The following PTPRT variants were observed in gnomAD, a reference collection of about 807,000 sequenced individuals.
PTPRT encodes receptor-type tyrosine-protein phosphatase T.
PTPRT carries 56 observed loss-of-function variants against 176.8 expected under a neutral mutation model. The observed-to-expected ratio is 0.32, with a 90% confidence interval of 0.26 to 0.40. The LOEUF (loss-of-function observed/expected upper bound fraction) is 0.40, where lower values mean the gene tolerates loss of function less well. PTPRT is among the 10% of genes least tolerant of loss of function. PTPRT has a pLI of 1.00. For missense variants in PTPRT, 1,540 were observed against 1,908.2 expected (o/e 0.81, Z 3.60); for synonymous variants, 783 against 739.0 (o/e 1.06, Z -0.96).
At chr20:42,326,343 A>C (rs1400882161) in intron 11 of PTPRT, among the ~76,000 whole-genome samples, 1 of 152,196 alleles carries the variant, frequency 6.6e-6, no homozygotes, top group Non-Finnish European at 1.5e-5. Context: ...ATTGTGACCA[A>C]TGCAATAAGA....
chr20:42,685,060 C>T (rs748220000), intron 6 of PTPRT, among the ~76,000 whole-genome samples: 37 of 152,268 alleles, frequency 2.4e-4, no homozygotes, highest in Middle Eastern at 3.4e-3. Flanking sequence ...GCCAAGGCAA[C>T]ATGCCCGGGG....
At chr20:43,144,010 T>A (rs2014094341) in intron 1 of PTPRT, among the ~76,000 whole-genome samples, 1 of 152,158 alleles carries the variant, frequency 6.6e-6, no homozygotes, top group South Asian at 2.1e-4. Flanking sequence ...TGGGTTCTGG[T>A]TCTTCCATCC....
chr20:42,514,247 C>T (rs1236412289), intron 7 of PTPRT, among the ~76,000 whole-genome samples: 4 of 152,154 alleles, frequency 2.6e-5, no homozygotes, highest in Non-Finnish European at 5.9e-5. Flanking sequence ...CTGCATGTAT[C>T]GGCACCCTCC....
intron 24 of PTPRT, 75 bp from the exon 25 acceptor site, chr20:42,104,793 G>A (rs1986276022): frequency 7.0e-7 from 1 of 1,429,440 alleles, no homozygotes; most frequent in Non-Finnish European, 9.7e-7. Flanking sequence ...CACATTTAGT[G>A]TTGTGGCTAT....
chr20:43,094,020 C>T (rs1453605783), intron 1 of PTPRT, among the ~76,000 whole-genome samples: 1 of 152,104 alleles, frequency 6.6e-6, no homozygotes, highest in Non-Finnish European at 1.5e-5. Flanking sequence ...TTCTCTCCCA[C>T]TATCCTGTTC....
At chr20:42,066,594 T>G in the PTPRT span, among the ~76,000 whole-genome samples, 1 of 152,208 alleles carries the variant, frequency 6.6e-6, no homozygotes, top group African/African-American at 2.4e-5. Context: ...GAAAGTTCGA[T>G]CCAGCTCACT....
Position 42,074,902 on chromosome 20 carries a change from G to T in PTPRT, c.*5977C>A, listed in dbSNP as rs74878202. 3 of 398,452 alleles carry T rather than the reference G, an allele frequency of 7.5e-6. No individual in the cohort carries two copies. The highest frequency in any genetic ancestry group is 1.3e-5 in the Non-Finnish European group (3 of 226,046). The allele number at this position is 398,452 out of a possible 1,614,324, so 24.7% of individuals were successfully genotyped here. On this transcript the variant is annotated 3_prime_UTR_variant, in exon 31 of 31. Transcript: ENST00000373187. ...TAAAAAACTAGAAGAGTCTGCTCAT[G>T]TGCACAAATATGGCTTAGATATCTC...
intron 6 of PTPRT, among the ~76,000 whole-genome samples, chr20:42,751,266 G>A (rs1419917636): frequency 1.3e-5 from 2 of 152,242 alleles, no homozygotes; most frequent in African/African-American, 2.4e-5. Context: ...TCCCAACTGT[G>A]GAGTGGTTAG....
chr20:42,738,965 A>T, intron 6 of PTPRT, among the ~76,000 whole-genome samples: 1 of 152,072 alleles, frequency 6.6e-6, no homozygotes, highest in East Asian at 1.9e-4. Flanking sequence ...CTACTCAAAG[A>T]GGCTGAGGTG....
At chr20:43,019,153 T>G (rs901391685) in intron 1 of PTPRT, among the ~76,000 whole-genome samples, 3 of 152,186 alleles carry the variant, frequency 2.0e-5, no homozygotes, top group Non-Finnish European at 4.4e-5. Flanking sequence ...TAAACCTATA[T>G]GAGCTATTGT....
chr20:43,114,695 T>C (rs1467165427), intron 1 of PTPRT, among the ~76,000 whole-genome samples: 1 of 152,192 alleles, frequency 6.6e-6, no homozygotes, highest in African/African-American at 2.4e-5. Flanking sequence ...TTCTGTTGCT[T>C]TTTTGAGAAA....
At chr20:42,114,797 G>A (rs573769492) in intron 22 of PTPRT, among the ~76,000 whole-genome samples, 3 of 152,264 alleles carry the variant, frequency 2.0e-5, no homozygotes, top group Admixed American at 6.5e-5. Flanking sequence ...CCTCCAGACT[G>A]CATGTTTTTT....
intron 11 of PTPRT, among the ~76,000 whole-genome samples, chr20:42,348,208 T>G (rs189527994): frequency 6.6e-6 from 1 of 152,092 alleles, no homozygotes. Flanking sequence ...CTGGGTGGCA[T>G]TGGTTAGTCA....
At chr20:42,378,807 T>C (rs1346467456) in intron 9 of PTPRT, among the ~76,000 whole-genome samples, 5 of 152,230 alleles carry the variant, frequency 3.3e-5, no homozygotes, top group African/African-American at 1.2e-4. Context: ...ATACTAATGG[T>C]ATCCCCTTCA....
At chr20:42,955,246 T>C (rs990777081) in intron 1 of PTPRT, among the ~76,000 whole-genome samples, 1 of 152,210 alleles carries the variant, frequency 6.6e-6, no homozygotes, top group African/African-American at 2.4e-5. Flanking sequence ...GAGGCACAGA[T>C]ACATTAAATA....
chr20:42,437,571 G>A (rs765377414), intron 9 of PTPRT, among the ~76,000 whole-genome samples: 3 of 152,160 alleles, frequency 2.0e-5, no homozygotes, highest in Non-Finnish European at 2.9e-5. Flanking sequence ...ATGTATGTAC[G>A]TATGTATGTA....
intron 7 of PTPRT, among the ~76,000 whole-genome samples, chr20:42,509,569 G>T (rs2071916276): frequency 7.3e-6 from 1 of 137,488 alleles, no homozygotes; most frequent in Non-Finnish European, 1.7e-5. Flanking sequence ...TATTCAAACT[G>T]TTTGTGTTGT....
chr20:42,278,272 T>C (rs932934718), intron 13 of PTPRT, among the ~76,000 whole-genome samples: 7 of 129,838 alleles, frequency 5.4e-5, no homozygotes, highest in African/African-American at 2.6e-4. Context: ...AAGATACTTC[T>C]CTGTTAAGAT....
chr20:42,971,720 C>A (rs562665405), intron 1 of PTPRT, among the ~76,000 whole-genome samples: 1 of 152,302 alleles, frequency 6.6e-6, no homozygotes. Context: ...GGCTCCGTTG[C>A]ACAGGATCGC....
Sources: allele counts gnomAD v4.1 joint callset (sites outside exome capture counted in the v4.1 genomes callset), GRCh38; gene constraint gnomAD v4.1.1; transcripts MANE v1.5; gene names NCBI Gene and HGNC (gene_info 2026-07-23, HGNC 2026-07-21).